Variants in RBPMS observed in about 807,000 individuals in gnomAD.
RBPMS encodes the protein RNA binding protein, mRNA processing factor.
RBPMS carries 7 observed loss-of-function variants against 26.8 expected under a neutral mutation model. That is an observed-to-expected ratio of 0.26 (90% confidence interval 0.15 to 0.49). RBPMS has a LOEUF of 0.49. Ranked by LOEUF, RBPMS falls within the 20% of genes least tolerant of loss-of-function variation. RBPMS has a pLI of 0.98. For synonymous variants in RBPMS, 96 were observed against 93.3 expected (o/e 1.03, Z -0.17); for missense variants, 186 against 250.0 (o/e 0.74, Z 1.73).
In RBPMS at chr8:30,384,822, T is replaced by C. The variant is rs1258213727; in HGVS notation, c.-271T>C. ...TCCAGGTCGCCCTCCCGGGGCCCGATTGTCTCGGTGCCCCGCTCCCGGCCC... is the reference window on the plus strand; with the variant it reads ...TCCAGGTCGCCCTCCCGGGGCCCGACTGTCTCGGTGCCCCGCTCCCGGCCC... On this transcript the variant is annotated 5_prime_UTR_variant, in exon 1 of 9. Transcript: ENST00000397323. This position sits in a 1 kb window ranked among gnomAD's most constrained non-coding sequence, Gnocchi z 5.6. The C allele has an allele frequency of 1.4e-5, 4 of 286,406 alleles. No homozygotes were observed. Among genetic ancestry groups the C allele is most frequent in the African/African-American group, 2.3e-5 (1 of 44,310 alleles). The allele number at this position is 286,406 out of a possible 1,614,324, so 17.7% of individuals were successfully genotyped here. A position where few individuals can be genotyped will look rare whatever the true frequency, so the allele number is the denominator to read the frequency against.
At chr8:30,517,233 TG>T (rs1822435981) in intron 5 of RBPMS, among the ~76,000 whole-genome samples, 1 of 144,240 alleles carries the variant, frequency 6.9e-6, no homozygotes, top group Non-Finnish European at 1.5e-5. Context: ...TGTGTGTGTG[TG>T]TGTGAAATAC....
At chr8:30,559,867 TTC>T (rs1827302884) in intron 7 of RBPMS, among the ~76,000 whole-genome samples, 2 of 152,204 alleles carry the variant, frequency 1.3e-5, no homozygotes, top group Admixed American at 6.5e-5. Context: ...CCTTGGAGAC[TTC>T]TATTGTAAGA....
At chr8:30,549,078 A>G (rs1379506104) in intron 6 of RBPMS, among the ~76,000 whole-genome samples, 1 of 152,164 alleles carries the variant, frequency 6.6e-6, no homozygotes, top group Non-Finnish European at 1.5e-5. Context: ...AAGGACTCTG[A>G]TGGTTTTGGC....
At chr8:30,517,150 A>AT (rs374390486) in intron 5 of RBPMS, among the ~76,000 whole-genome samples, 2 of 132,376 alleles carry the variant, frequency 1.5e-5, no homozygotes, top group South Asian at 2.3e-4. Flanking sequence ...TCTAGACCTT[A>AT]TTTTTTTTGT....
At chr8:30,530,236 TCTC>T (rs1458400970) in intron 5 of RBPMS, among the ~76,000 whole-genome samples, 4 of 152,092 alleles carry the variant, frequency 2.6e-5, no homozygotes, top group African/African-American at 9.7e-5. Flanking sequence ...CAGGATGAGA[TCTC>T]CTGATTTCAA....
intron 7 of RBPMS, chr8:30,564,056 G>T (rs772251931): frequency 1.3e-5 from 2 of 152,254 alleles, no homozygotes; most frequent in East Asian, 3.9e-4. Context: ...TAGTATTCAG[G>T]GAATAAATAA....
chr8:30,569,187 C>A (rs548156891), intron 8 of RBPMS, among the ~76,000 whole-genome samples: 2 of 152,338 alleles, frequency 1.3e-5, no homozygotes, highest in African/African-American at 4.8e-5. Flanking sequence ...ACACCATCAA[C>A]CCCAGGGGCC....
chr8:30,392,070 G>T (rs1480185845), intron 1 of RBPMS, among the ~76,000 whole-genome samples: 1 of 151,958 alleles, frequency 6.6e-6, no homozygotes, highest in Non-Finnish European at 1.5e-5. Flanking sequence ...GGCAGTTCCT[G>T]TCTTAAAGTT....
rs190806479 is a variant in RBPMS, at chr8:30,514,558, T to A, written c.397+10122T>A. ...TGGTGATGTTAATGAATTTTTTTTT[T>A]AATTGAGATTGAGTGTCACTCTGTC... On this transcript the variant is annotated intron_variant, in intron 5 of 8. Transcript: ENST00000397323. Among the ~76,000 whole-genome samples the A allele has an allele frequency of 5.6e-4, 85 of 152,188 alleles. 1 individual carries two copies. The highest frequency in any genetic ancestry group is 5.4e-3 in the Admixed American group (82 of 15,272).
intron 8 of RBPMS, among the ~76,000 whole-genome samples, chr8:30,569,757 G>A (rs1232254312): frequency 6.6e-6 from 1 of 152,224 alleles, no homozygotes; most frequent in African/African-American, 2.4e-5. Context: ...AATGAGGTCG[G>A]TGTAAAGGGC....
At chr8:30,557,204 A>G (rs765690624) in intron 6 of RBPMS, among the ~76,000 whole-genome samples, 83 of 152,324 alleles carry the variant, frequency 5.4e-4, no homozygotes, top group Non-Finnish European at 9.8e-4. Flanking sequence ...TGCAGGCAGA[A>G]GCTCCGGTAT....
chr8:30,447,875 A>G (rs1814066154), intron 1 of RBPMS, among the ~76,000 whole-genome samples: 1 of 152,232 alleles, frequency 6.6e-6, no homozygotes, highest in African/African-American at 2.4e-5. Flanking sequence ...GTGTTAATAC[A>G]TAACTGTCAC....
intron 1 of RBPMS, among the ~76,000 whole-genome samples, chr8:30,462,602 G>T (rs1816042204): frequency 6.6e-6 from 1 of 151,950 alleles, no homozygotes; most frequent in African/African-American, 2.4e-5. Flanking sequence ...TGTATTTTTA[G>T]TAGAGACGAG....
intron 5 of RBPMS, among the ~76,000 whole-genome samples, chr8:30,516,915 C>CACACACACACACACACAT: frequency 6.6e-6 from 1 of 151,652 alleles, no homozygotes; most frequent in Non-Finnish European, 1.5e-5. Flanking sequence ...CACACACACA[C>CACACACACACACACACAT]ACACACAGAC....
At position 30,385,122 on chromosome 8, in the gene RBPMS, G is replaced by C; in HGVS notation, c.30G>C (p.Glu10Asp). 1 of 1,529,018 alleles carries C rather than the reference G, an allele frequency of 6.5e-7. No individual in the cohort carries two copies. Among genetic ancestry groups the C allele is most frequent in the Non-Finnish European group, 8.8e-7 (1 of 1,139,770 alleles). 94.7% of individuals were successfully genotyped at this position (1,529,018 alleles called of 1,614,324 possible). A position where few individuals can be genotyped will look rare whatever the true frequency, so the allele number is the denominator to read the frequency against. Residue 10 changes from glutamate (E) to aspartate (D), a missense_variant, in exon 1 of 9, where the codon GAG becomes GAC. Glu to Asp is a conservative substitution (Grantham distance 45, BLOSUM62 2). Transcript: ENST00000397323. ...ACAACGGCGGCAAAGCCGAGAAGGA[G>C]AACACCCCGAGCGAGGCCAACCTTC... is the stretch of plus-strand genomic sequence containing the variant. MNNGGKAEK[E>D]NTPSEANLQE...
intron 6 of RBPMS, among the ~76,000 whole-genome samples, chr8:30,551,781 A>AT: frequency 6.6e-6 from 1 of 152,148 alleles, no homozygotes; most frequent in Non-Finnish European, 1.5e-5. Flanking sequence ...AACAAACCTG[A>AT]TTTTAATGAC....
chr8:30,411,642 G>GCAATAGAGTGAGAC, intron 1 of RBPMS, among the ~76,000 whole-genome samples: 2 of 134,032 alleles, frequency 1.5e-5, no homozygotes, highest in African/African-American at 2.9e-5. Flanking sequence ...TCCAGCCTGG[G>GCAATAGAGTGAGAC]TGACAGCAAG....
chr8:30,447,776 C>G (rs1478422698), intron 1 of RBPMS, among the ~76,000 whole-genome samples: 8 of 151,512 alleles, frequency 5.3e-5, no homozygotes, highest in Non-Finnish European at 7.4e-5. Flanking sequence ...TTTTTTTTAA[C>G]TTAGCAATGA....
chr8:30,486,371 A>C (rs1220819637), intron 4 of RBPMS, among the ~76,000 whole-genome samples: 1 of 98,576 alleles, frequency 1.0e-5, no homozygotes, highest in Non-Finnish European at 2.5e-5. Context: ...ACATAAAAAA[A>C]AAACAAAAAA....
Sources: gnomAD v4.1 joint callset for allele counts (sites outside exome capture counted in the v4.1 genomes callset) on GRCh38, gnomAD v4.1.1 for gene constraint, Gnocchi (gnomAD v3.1) non-coding constraint, MANE v1.5 for transcripts, NCBI Gene and HGNC (gene_info 2026-07-23, HGNC 2026-07-21) for gene names.